AMBRA1: variants seen among roughly 807,000 people sequenced by gnomAD.
AMBRA1 encodes the protein autophagy and beclin 1 regulator 1.
Under a neutral mutation model 125.4 loss-of-function variants are expected in AMBRA1, and 47 were observed. The observed-to-expected ratio is 0.37, with a 90% CI of 0.30 to 0.48. AMBRA1 has a LOEUF of 0.48. Ranked by LOEUF, AMBRA1 falls within the 20% of genes least tolerant of loss-of-function variation. AMBRA1 has a pLI of 0.99. For synonymous variants in AMBRA1, 626 were observed against 655.5 expected (o/e 0.95, Z 0.69); for missense variants, 1,331 against 1,693.4 (o/e 0.79, Z 3.76).
At chr11:46,513,969 C>A (rs558610480) in intron 7 of AMBRA1, among the ~76,000 whole-genome samples, 28 of 151,556 alleles carry the variant, frequency 1.8e-4, no homozygotes, top group African/African-American at 6.5e-4. Flanking sequence ...GCATGTCTGA[C>A]ATGGTGCTTC....
chr11:46,512,181 G>T (rs1432504295), intron 8 of AMBRA1, among the ~76,000 whole-genome samples: 1 of 152,194 alleles, frequency 6.6e-6, no homozygotes, highest in Non-Finnish European at 1.5e-5. Flanking sequence ...TAAGTGTAAG[G>T]CAAGCACTTT....
At chr11:46,500,977 A>C (rs1950816538) in intron 9 of AMBRA1, among the ~76,000 whole-genome samples, 1 of 152,204 alleles carries the variant, frequency 6.6e-6, no homozygotes, top group Admixed American at 6.5e-5. Context: ...TATGGGATAA[A>C]GTTCATCTCC....
intron 11 of AMBRA1, among the ~76,000 whole-genome samples, chr11:46,481,072 G>A (rs1000705478): frequency 9.9e-5 from 15 of 152,148 alleles, no homozygotes; most frequent in Admixed American, 3.3e-4. Context: ...CTGTGCCTGG[G>A]TCTTGACTAT....
intron 1 of AMBRA1, among the ~76,000 whole-genome samples, chr11:46,552,276 C>T (rs1259676326): frequency 1.6e-5 from 2 of 122,968 alleles, no homozygotes; most frequent in South Asian, 2.7e-4. Flanking sequence ...GGCTGAGGCA[C>T]GAGAATTGCT....
intron 15 of AMBRA1, among the ~76,000 whole-genome samples, chr11:46,411,564 G>C (rs1355855457): frequency 6.6e-6 from 1 of 152,146 alleles, no homozygotes; most frequent in Non-Finnish European, 1.5e-5. Flanking sequence ...TGCCTCCTGG[G>C]TTCAAGCAAT....
rs142357580 is a variant in AMBRA1 at position 46,542,242 on chromosome 11, G to T, written c.1775C>A (p.Ser592Tyr). ...LRWERTTPNYSSGEASSSWQV... is the reference protein window; with the variant it reads ...LRWERTTPNYYSGEASSSWQV... ...CCAAGAGGAACTAGCCTCGCCAGAG[G>T]AGTAGTTAGGTGTGGTTCTTTCCCA... is the stretch of plus-strand genomic sequence containing the variant. The change falls in exon 7 of 18, where the codon TCC (serine) becomes TAC (tyrosine). Residue 592 changes from serine (S) to tyrosine (Y), a missense_variant. Around this residue, in one of 4 missense-constraint regions of AMBRA1, gnomAD observed 689 missense variants for 776.5 expected, o/e 0.89. Transcript: ENST00000683756. This position sits in a 1 kb window ranked among gnomAD's most constrained non-coding sequence, Gnocchi z 5.9. 66 of 1,614,112 alleles carry T rather than the reference G, an allele frequency of 4.1e-5. No individual in the cohort carries two copies. The African/African-American group carries it at 6.8e-4, about 17-fold the overall frequency.
At chr11:46,563,486 A>G (rs1236783670) in intron 1 of AMBRA1, among the ~76,000 whole-genome samples, 2 of 152,134 alleles carry the variant, frequency 1.3e-5, no homozygotes, top group Non-Finnish European at 2.9e-5. Context: ...CAGCCTCCCA[A>G]AGTGCTGGGA....
chr11:46,415,438 GT>G (rs760883158), intron 15 of AMBRA1, among the ~76,000 whole-genome samples: 21 of 152,194 alleles, frequency 1.4e-4, no homozygotes, highest in Admixed American at 3.3e-4. Context: ...TTTTAAAGGG[GT>G]TTTTGAGTGA....
chr11:46,568,373 G>T (rs1057126629), intron 1 of AMBRA1, among the ~76,000 whole-genome samples: 1 of 151,830 alleles, frequency 6.6e-6, no homozygotes, highest in Admixed American at 6.6e-5. Flanking sequence ...GAGAAGAATT[G>T]CTTGAACCCA....
intron 9 of AMBRA1, among the ~76,000 whole-genome samples, chr11:46,504,961 C>T (rs922325000): frequency 6.6e-6 from 1 of 152,124 alleles, no homozygotes; most frequent in Non-Finnish European, 1.5e-5. Context: ...GAACACTATA[C>T]AACTGGATGT....
chr11:46,520,244 A>AT (rs1951698932), intron 7 of AMBRA1, among the ~76,000 whole-genome samples: 2 of 152,144 alleles, frequency 1.3e-5, no homozygotes, highest in African/African-American at 4.8e-5. Context: ...AACTGAAAAA[A>AT]TTTTAATACA....
At chr11:46,578,946 G>C (rs1051009671) in intron 1 of AMBRA1, among the ~76,000 whole-genome samples, 1 of 123,368 alleles carries the variant, frequency 8.1e-6, no homozygotes, top group Non-Finnish European at 1.7e-5. Flanking sequence ...TATACATTCA[G>C]TACATAGAAA....
At chr11:46,579,019 T>C (rs773104794) in intron 1 of AMBRA1, among the ~76,000 whole-genome samples, 6 of 109,426 alleles carry the variant, frequency 5.5e-5, no homozygotes, top group Non-Finnish European at 1.1e-4. Context: ...TAATTAGCTA[T>C]AGCAACAATG....
chr11:46,518,666 T>C (rs60401088), intron 7 of AMBRA1, among the ~76,000 whole-genome samples: 10,694 of 152,156 alleles, frequency 0.07, 1,223 homozygotes, highest in African/African-American at 0.24. Flanking sequence ...TTCGCCCATT[T>C]CTGCTCTAAA....
At chr11:46,434,115 CAAAAA>C (rs145761376) in intron 13 of AMBRA1, among the ~76,000 whole-genome samples, 1 of 53,556 alleles carries the variant, frequency 1.9e-5, no homozygotes, top group African/African-American at 6.6e-5. Context: ...AACTCCGTCT[CAAAAA>C]AAAAAAAAAA....
At chr11:46,470,196 A>G (rs1307924849) in intron 11 of AMBRA1, among the ~76,000 whole-genome samples, 1 of 152,154 alleles carries the variant, frequency 6.6e-6, no homozygotes, top group Non-Finnish European at 1.5e-5. Context: ...TAACCCGAGC[A>G]CTTTGGAGGC....
chr11:46,425,512 C>T (rs557415616), intron 14 of AMBRA1, among the ~76,000 whole-genome samples: 1 of 152,252 alleles, frequency 6.6e-6, no homozygotes, highest in South Asian at 2.1e-4. Flanking sequence ...AGTGCTGGAA[C>T]TAGAACCTGG....
chr11:46,536,421 T>A (rs2135147362), intron 7 of AMBRA1, among the ~76,000 whole-genome samples: 1 of 152,230 alleles, frequency 6.6e-6, no homozygotes, highest in East Asian at 1.9e-4. Flanking sequence ...CGGTGACAGC[T>A]GTGCTGGGTT....
intron 7 of AMBRA1, among the ~76,000 whole-genome samples, chr11:46,531,954 C>T (rs1261174292): frequency 6.6e-6 from 1 of 151,572 alleles, no homozygotes; most frequent in South Asian, 2.1e-4. Flanking sequence ...CCTGTCTCTA[C>T]TGAAAATACA....
Sources: allele counts gnomAD v4.1 joint callset (sites outside exome capture counted in the v4.1 genomes callset), GRCh38; gene constraint gnomAD v4.1.1; regional missense constraint gnomAD v4.1.1; non-coding constraint Gnocchi (gnomAD v3.1); transcripts MANE v1.5; gene names NCBI Gene and HGNC (gene_info 2026-07-23, HGNC 2026-07-21).